DOP1A: variants seen among roughly 807,000 people sequenced by gnomAD.
The protein encoded by DOP1A is DOP1 leucine zipper like protein A, also known as protein DOP1A.
A neutral mutation model predicts 267.6 loss-of-function variants in DOP1A; 90 were observed. The ratio of observed to expected loss-of-function variants is 0.34; its 90% confidence interval spans 0.28 to 0.40. The LOEUF (loss-of-function observed/expected upper bound fraction) is 0.40, where lower values mean the gene tolerates loss of function less well. Ranked by LOEUF, DOP1A falls within the 10% of genes least tolerant of loss-of-function variation. The pLI is 1.00. For missense variants in DOP1A, 2,437 were observed against 2,900.4 expected (o/e 0.84, Z 3.67); for synonymous variants, 932 against 999.1 (o/e 0.93, Z 1.27).
At chr6:83,075,677 C>T (rs1054368085) in intron 1 of DOP1A, among the ~76,000 whole-genome samples, 2 of 152,012 alleles carry the variant, frequency 1.3e-5, no homozygotes, top group Admixed American at 6.6e-5. Flanking sequence ...TGGAGAGCCC[C>T]GAAATAAACA....
At position 83,132,294 on chromosome 6, in the gene DOP1A, A is replaced by G. The variant is rs773795022; in HGVS notation, c.2735A>G (p.Asp912Gly). 2.5e-6 allele frequency: 4 copies of G among 1,613,120 alleles called. No homozygotes were observed. The highest frequency in any genetic ancestry group is 3.4e-6 in the Non-Finnish European group (4 of 1,179,476). The change falls in exon 18 of 39, where the codon GAT (aspartate) becomes GGT (glycine). Residue 912 changes from aspartate (D) to glycine (G), a missense_variant. Physicochemically the swap from Asp to Gly is moderately conservative, Grantham distance 94. Coordinates refer to ENST00000349129, the MANE Select transcript of DOP1A (RefSeq NM_015018.4). Reference protein sequence around the residue: ...NLVPSSSICEDVISQQLTHKD... With the variant: ...NLVPSSSICEGVISQQLTHKD... ...GTTCCTTCTTCTAGCATCTGTGAGG[A>G]TGTTATAAGTCAGCAGTTAACCCAT...
chr6:83,112,133 T>G (rs1448874139), intron 6 of DOP1A, among the ~76,000 whole-genome samples: 2 of 152,118 alleles, frequency 1.3e-5, no homozygotes, highest in African/African-American at 2.4e-5. Context: ...TTTAAACAAA[T>G]GACACACATG....
chr6:83,156,871 G>A (rs930414661), intron 34 of DOP1A, among the ~76,000 whole-genome samples: 2 of 143,720 alleles, frequency 1.4e-5, no homozygotes, highest in Admixed American at 6.9e-5. Flanking sequence ...GCTACTCAAA[G>A]TATGGTCCAT....
At chr6:83,149,517 G>A (rs1781211959) in intron 27 of DOP1A, among the ~76,000 whole-genome samples, 1 of 152,174 alleles carries the variant, frequency 6.6e-6, no homozygotes, top group African/African-American at 2.4e-5. Context: ...GGCACAGGCA[G>A]TGGTATAGTG....
intron 19 of DOP1A, 71 bp from the exon 20 acceptor site, chr6:83,135,548 A>G (rs1778751651): frequency 3.5e-6 from 5 of 1,446,000 alleles, no homozygotes; most frequent in South Asian, 1.4e-5. Context: ...AACAGAATTT[A>G]TTAATTTTAT....
chr6:83,105,365 T>C (rs1046823693), intron 4 of DOP1A, among the ~76,000 whole-genome samples: 4 of 133,882 alleles, frequency 3.0e-5, no homozygotes, highest in Non-Finnish European at 4.8e-5. Context: ...TCTTTTTTTT[T>C]TTTTTTTTTT....
intron 1 of DOP1A, among the ~76,000 whole-genome samples, chr6:83,090,698 A>G (rs1562282181): frequency 1.3e-5 from 2 of 152,194 alleles, no homozygotes; most frequent in African/African-American, 4.8e-5. Flanking sequence ...TCAGTGATGG[A>G]TTTGGTGGAA....
intron 1 of DOP1A, among the ~76,000 whole-genome samples, chr6:83,076,050 A>C (rs1315858717): frequency 6.6e-6 from 1 of 152,218 alleles, no homozygotes. Context: ...AAAGCAAACT[A>C]TGGAAAGGGA....
At chr6:83,087,862 T>A (rs190142826) in intron 1 of DOP1A, among the ~76,000 whole-genome samples, 1,761 of 152,150 alleles carry the variant, frequency 0.012, 42 homozygotes, top group African/African-American at 0.04. Context: ...TTTTTTTGTT[T>A]GTTTGTTTGT....
chr6:83,112,433 G>T (rs2128184286), intron 6 of DOP1A, among the ~76,000 whole-genome samples: 1 of 152,170 alleles, frequency 6.6e-6, no homozygotes, highest in African/African-American at 2.4e-5. Flanking sequence ...AAACTGGTGG[G>T]AATATAAAGT....
At chr6:83,130,432 A>T in intron 17 of DOP1A, 35 bp downstream of exon 17, 2 of 1,578,674 alleles carry the variant, frequency 1.3e-6, no homozygotes, top group East Asian at 2.2e-5. Context: ...GACTATGATG[A>T]TTACAGCCAT....
chr6:83,142,120 A>G, intron 24 of DOP1A, 74 bp downstream of exon 24: 2 of 1,543,060 alleles, frequency 1.3e-6, no homozygotes, highest in African/African-American at 2.8e-5. Context: ...TTCTCCATAT[A>G]TTGCAGTGGG....
intron 24 of DOP1A, 34 bp downstream of exon 24, chr6:83,142,080 T>C: frequency 1.2e-6 from 2 of 1,606,510 alleles, no homozygotes; most frequent in Non-Finnish European, 1.7e-6. Flanking sequence ...TTTTTGTTTT[T>C]GCATTTGGTG....
intron 1 of DOP1A, among the ~76,000 whole-genome samples, chr6:83,087,358 A>C (rs1393616314): frequency 6.6e-6 from 1 of 152,176 alleles, no homozygotes; most frequent in African/African-American, 2.4e-5. Context: ...TTCTCAATTT[A>C]AGTCAACCTG....
At chr6:83,088,989 A>G (rs1424722976) in intron 1 of DOP1A, among the ~76,000 whole-genome samples, 1 of 152,258 alleles carries the variant, frequency 6.6e-6, no homozygotes, top group Non-Finnish European at 1.5e-5. Flanking sequence ...TTCAAAAACA[A>G]CAGCAGGGTT....
At chr6:83,145,783 C>A in intron 25 of DOP1A, 125 bp downstream of exon 25, 2 of 788,340 alleles carry the variant, frequency 2.5e-6, no homozygotes, top group Admixed American at 2.9e-5. Context: ...CTGCATGTGG[C>A]CCTCACACTG....
At chr6:83,123,801 T>G (rs1776712478) in intron 12 of DOP1A, among the ~76,000 whole-genome samples, 1 of 152,072 alleles carries the variant, frequency 6.6e-6, no homozygotes, top group Non-Finnish European at 1.5e-5. Context: ...TCTTAATAGA[T>G]TAAAATGTAG....
At chr6:83,153,163 T>C (rs1490224573) in intron 30 of DOP1A, among the ~76,000 whole-genome samples, 3 of 150,544 alleles carry the variant, frequency 2.0e-5, no homozygotes, top group Non-Finnish European at 3.0e-5. Flanking sequence ...TGTTTTTTTT[T>C]CCTAAACTAC....
At chr6:83,152,232 A>G in intron 29 of DOP1A, 56 bp from the exon 30 acceptor site, 3 of 1,033,228 alleles carry the variant, frequency 2.9e-6, no homozygotes, top group South Asian at 1.6e-5. Flanking sequence ...ACACACACAC[A>G]TAAAATTTAT....
Sources: gnomAD v4.1 joint callset for allele counts (sites outside exome capture counted in the v4.1 genomes callset) on GRCh38, gnomAD v4.1.1 for gene constraint, MANE v1.5 for transcripts, NCBI Gene and HGNC (gene_info 2026-07-23, HGNC 2026-07-21) for gene names.